The following LAMB4 variants were observed in gnomAD, a reference collection of about 807,000 sequenced individuals.
LAMB4 encodes laminin subunit beta-4.
A neutral mutation model predicts 199.2 loss-of-function variants in LAMB4; 196 were observed. The observed-to-expected ratio is 0.98, with a 90% confidence interval of 0.88 to 1.11. LAMB4 has a LOEUF of 1.11. Among genes scored for constraint, LAMB4 ranks in the 50% least tolerant of loss-of-function variants. The pLI is 0.00. For missense variants in LAMB4, 2,080 were observed against 2,171.2 expected (o/e 0.96, Z 0.83); for synonymous variants, 744 against 770.6 (o/e 0.97, Z 0.57).
chr7:108,083,485 C>A (rs1202505853), intron 14 of LAMB4, among the ~76,000 whole-genome samples: 1 of 152,140 alleles, frequency 6.6e-6, no homozygotes, highest in Non-Finnish European at 1.5e-5. Flanking sequence ...CCCCTCTGCA[C>A]AATAGATCCA....
Position 108,066,447 on chromosome 7 carries a change from C to T in LAMB4, c.2600G>A (p.Arg867Lys). Residue 867 changes from arginine (R) to lysine (K), a missense_variant, in exon 20 of 34, where the codon AGG becomes AAG. By Grantham distance (26) the Arg-to-Lys change is conservative. Transcript: ENST00000388781. ...CTCAGGATCACAAAGTTCAGCAAAC[C>T]TATTACAAGGGCAAGGGTGGCAGCT... is the stretch of plus-strand genomic sequence containing the variant. ...FPSCHPCPCN[R>K]FAELCDPETG... The T allele has an allele frequency of 6.2e-7, 1 of 1,614,188 alleles. No individual in the cohort carries two copies. The highest frequency in any genetic ancestry group is 8.5e-7 in the Non-Finnish European group (1 of 1,180,030).
intron 28 of LAMB4, among the ~76,000 whole-genome samples, chr7:108,046,803 TATTTAGTAGGTTTTCAAATATACCCTTAC>T (rs1317545501): frequency 6.6e-6 from 1 of 152,104 alleles, no homozygotes; most frequent in African/African-American, 2.4e-5. Context: ...ACAATTTGTA[TATTTAGTAGGTTTTCAAATATACCCTTAC>T]ATATTTATGA....
chr7:108,081,478 C>T (rs1290793681), intron 14 of LAMB4, among the ~76,000 whole-genome samples: 3 of 152,202 alleles, frequency 2.0e-5, no homozygotes, highest in African/African-American at 7.2e-5. Flanking sequence ...ATCTTTTCTC[C>T]TTCACTCTCT....
chr7:108,059,727 G>T (rs766559971), intron 23 of LAMB4, among the ~76,000 whole-genome samples: 1 of 152,026 alleles, frequency 6.6e-6, no homozygotes, highest in African/African-American at 2.4e-5. Flanking sequence ...AAGCCTGCAC[G>T]CAATGAAAAT....
intron 23 of LAMB4, among the ~76,000 whole-genome samples, chr7:108,060,930 GA>G (rs2036138768): frequency 6.6e-6 from 1 of 152,110 alleles, no homozygotes; most frequent in East Asian, 1.9e-4. Flanking sequence ...GAAGAAGGAG[GA>G]AAAAGAGTAA....
intron 10 of LAMB4, among the ~76,000 whole-genome samples, chr7:108,100,223 G>A (rs1330581788): frequency 6.6e-6 from 1 of 152,084 alleles, no homozygotes; most frequent in Non-Finnish European, 1.5e-5. Context: ...CATAATTCTA[G>A]CAAACTTTTA....
chr7:108,100,488 T>C (rs1194648767), intron 10 of LAMB4, among the ~76,000 whole-genome samples: 6 of 152,188 alleles, frequency 3.9e-5, no homozygotes, highest in Non-Finnish European at 1.5e-5. Flanking sequence ...CTCATGATAG[T>C]AGTTTGTTAC....
chr7:108,065,420 T>C (rs942363367), intron 21 of LAMB4, among the ~76,000 whole-genome samples: 1 of 152,222 alleles, frequency 6.6e-6, no homozygotes, highest in African/African-American at 2.4e-5. Context: ...AGTTGCTTGT[T>C]ATATATAATA....
At position 108,043,829 on chromosome 7, in the gene LAMB4, C is replaced by A. The variant is rs73424723; in HGVS notation, c.4394G>T (p.Gly1465Val). 3,877 of 1,607,940 alleles carry A rather than the reference C, an allele frequency of 2.4e-3. 76 individuals carry two copies. The African/African-American group carries it at 0.042, about 17-fold the overall frequency. The change falls in exon 29 of 34, where the codon GGA (glycine) becomes GTA (valine). Residue 1465 changes from glycine (G) to valine (V), a missense_variant. Coordinates refer to ENST00000388781, the MANE Select transcript of LAMB4 (RefSeq NM_007356.3). The part of the protein sequence containing the change: ...NNALQLREKL[G>V]NIRNQSDSEE... Reference sequence around the variant, plus strand: ...AGAGTCACTTTGGTTTCTTATATTTCCCAGTTTTTCCCTCAGCTGTAAGGC... The same window carrying A: ...AGAGTCACTTTGGTTTCTTATATTTACCAGTTTTTCCCTCAGCTGTAAGGC...
chr7:108,109,267 G>T, intron 4 of LAMB4, 23 bp from the exon 5 acceptor site: 2 of 1,548,364 alleles, frequency 1.3e-6, no homozygotes, highest in Non-Finnish European at 1.8e-6. Flanking sequence ...CCAGAAAGAA[G>T]AAAATCAGTG....
chr7:108,032,575 C>A (rs1346045181), intron 31 of LAMB4, among the ~76,000 whole-genome samples: 1 of 152,020 alleles, frequency 6.6e-6, no homozygotes, highest in Non-Finnish European at 1.5e-5. Context: ...GAGGGCCACC[C>A]AGGTAGTATA....
At chr7:108,081,945 C>A (rs1311876296) in intron 14 of LAMB4, among the ~76,000 whole-genome samples, 1 of 152,162 alleles carries the variant, frequency 6.6e-6, no homozygotes, top group Non-Finnish European at 1.5e-5. Context: ...AATCAGAGGG[C>A]CTCCTTGGGG....
In LAMB4 at chr7:108,064,910, T is replaced by A. The variant is rs76105208; in HGVS notation, c.2836+852A>T. ...GTAAATACCTTTTTTTTTTTTTTTT[T>A]AATTTAGAGACAGGGTCTTGCTCTG... On this transcript the variant is annotated intron_variant, in intron 21 of 33. Coordinates refer to ENST00000388781, the MANE Select transcript of LAMB4 (RefSeq NM_007356.3). Among the ~76,000 whole-genome samples the A allele has an allele frequency of 3.1e-3, 440 of 140,658 alleles. 3 individuals carry two copies. Among genetic ancestry groups the A allele is most frequent in the Non-Finnish European group, 4.6e-3 (309 of 67,454 alleles). 92.3% of individuals were successfully genotyped at this position (140,658 alleles called of 152,430 possible).
chr7:108,053,056 T>G (rs1563049777), intron 25 of LAMB4, among the ~76,000 whole-genome samples: 1 of 152,204 alleles, frequency 6.6e-6, no homozygotes, highest in Non-Finnish European at 1.5e-5. Context: ...CAGGCTCCAA[T>G]TGTCACAACT....
intron 33 of LAMB4, among the ~76,000 whole-genome samples, chr7:108,025,435 T>TCTTTCTTTCTTTC (rs1563024848): frequency 2.3e-4 from 26 of 112,114 alleles, no homozygotes; most frequent in African/African-American, 2.0e-3. Context: ...TTTCTTTCTT[T>TCTTTCTTTCTTTC]TTTTTTTTTT....
chr7:108,091,371 A>G (rs1484959361), intron 14 of LAMB4, among the ~76,000 whole-genome samples: 1 of 152,210 alleles, frequency 6.6e-6, no homozygotes, highest in Non-Finnish European at 1.5e-5. Context: ...AGTCTGTTTC[A>G]TCATAATTTG....
intron 1 of LAMB4, among the ~76,000 whole-genome samples, chr7:108,124,736 G>A (rs1215034342): frequency 6.6e-6 from 1 of 151,814 alleles, no homozygotes; most frequent in Non-Finnish European, 1.5e-5. Flanking sequence ...GTATTTTCAA[G>A]TGAGACTATT....
chr7:108,055,480 C>G (rs1171258664), intron 25 of LAMB4, 152 bp downstream of exon 25: 3 of 864,812 alleles, frequency 3.5e-6, no homozygotes, highest in Non-Finnish European at 5.4e-6. Flanking sequence ...AGCTATGGCG[C>G]CCGGCCCAGC....
At chr7:108,093,248 G>A (rs970020901) in intron 12 of LAMB4, among the ~76,000 whole-genome samples, 1 of 152,012 alleles carries the variant, frequency 6.6e-6, no homozygotes, top group African/African-American at 2.4e-5. Context: ...TGTATTTTTA[G>A]TAGAGACGGG....
Sources: gnomAD v4.1 joint callset for allele counts (sites outside exome capture counted in the v4.1 genomes callset) on GRCh38, gnomAD v4.1.1 for gene constraint, MANE v1.5 for transcripts, NCBI Gene and HGNC (gene_info 2026-07-23, HGNC 2026-07-21) for gene names.